The following EYA4 variants were observed in gnomAD, a reference collection of about 807,000 sequenced individuals.
The protein encoded by EYA4 is EYA transcriptional coactivator and phosphatase 4.
A neutral mutation model predicts 87.9 loss-of-function variants in EYA4; 31 were observed. The ratio of observed to expected loss-of-function variants is 0.35; its 90% CI spans 0.27 to 0.48. The LOEUF (loss-of-function observed/expected upper bound fraction) is 0.48. Ranked by LOEUF, EYA4 falls within the 20% of genes least tolerant of loss-of-function variation. EYA4 has a pLI of 0.99. For missense variants in EYA4, 678 were observed against 761.4 expected (o/e 0.89, Z 1.29); for synonymous variants, 263 against 270.6 (o/e 0.97, Z 0.28).
chr6:133,484,955 A>T (rs955296626), intron 13 of EYA4, among the ~76,000 whole-genome samples: 2 of 152,134 alleles, frequency 1.3e-5, no homozygotes, highest in Non-Finnish European at 2.9e-5. Context: ...ATCTTTCTTT[A>T]AAAATAGAAA....
At chr6:133,254,977 C>T (rs1775222951) in intron 1 of EYA4, among the ~76,000 whole-genome samples, 1 of 152,184 alleles carries the variant, frequency 6.6e-6, no homozygotes, top group Non-Finnish European at 1.5e-5. Flanking sequence ...TGTATCCAGG[C>T]TCTGCCACTC....
At chr6:133,299,705 C>CT (rs1426619794) in intron 2 of EYA4, among the ~76,000 whole-genome samples, 2 of 140,244 alleles carry the variant, frequency 1.4e-5, no homozygotes, top group African/African-American at 6.0e-5. Context: ...GAGTGAGACT[C>CT]TGTCTCAAAA....
intron 3 of EYA4, among the ~76,000 whole-genome samples, chr6:133,430,593 C>G (rs1791099349): frequency 6.6e-6 from 1 of 152,046 alleles, no homozygotes; most frequent in Admixed American, 6.5e-5. Context: ...GGAGAAATTT[C>G]TTATACCATA....
intron 7 of EYA4, among the ~76,000 whole-genome samples, chr6:133,461,805 T>C (rs974675652): frequency 1.6e-4 from 20 of 127,572 alleles, no homozygotes; most frequent in Non-Finnish European, 2.8e-4. Flanking sequence ...AAAGGAATGA[T>C]GTTCCTTTTT....
At chr6:133,302,810 A>C (rs1779515758) in intron 2 of EYA4, among the ~76,000 whole-genome samples, 1 of 152,230 alleles carries the variant, frequency 6.6e-6, no homozygotes, top group African/African-American at 2.4e-5. Context: ...TAGAATTTTA[A>C]ATGTTTGCTG....
At chr6:133,510,017 A>C (rs1799005984) in intron 14 of EYA4, among the ~76,000 whole-genome samples, 1 of 152,186 alleles carries the variant, frequency 6.6e-6, no homozygotes, top group South Asian at 2.1e-4. Context: ...ACTAGGCATA[A>C]ATTTAAAGAA....
chr6:133,465,614 T>A (rs1370986361), intron 10 of EYA4, among the ~76,000 whole-genome samples: 1 of 152,188 alleles, frequency 6.6e-6, no homozygotes, highest in Admixed American at 6.6e-5. Context: ...TCTTTTGTCC[T>A]TATTTTTTGA....
chr6:133,322,332 C>G (rs1040404192), intron 2 of EYA4, among the ~76,000 whole-genome samples: 6 of 152,122 alleles, frequency 3.9e-5, no homozygotes, highest in Non-Finnish European at 7.4e-5. Context: ...GGACTATCCT[C>G]TTTAAATTTT....
chr6:133,525,730 C>T (rs1800584400), intron 19 of EYA4, among the ~76,000 whole-genome samples: 1 of 152,070 alleles, frequency 6.6e-6, no homozygotes, highest in African/African-American at 2.4e-5. Flanking sequence ...GTTCATGAGA[C>T]CTGCATGCCA....
intron 3 of EYA4, among the ~76,000 whole-genome samples, chr6:133,401,221 A>T (rs1290564394): frequency 1.3e-5 from 2 of 152,150 alleles, no homozygotes; most frequent in Non-Finnish European, 2.9e-5. Flanking sequence ...TAGATTGTAG[A>T]TTGGTGTTTA....
intron 2 of EYA4, among the ~76,000 whole-genome samples, chr6:133,294,452 C>T (rs1582874664): frequency 6.6e-6 from 1 of 150,542 alleles, no homozygotes; most frequent in East Asian, 2.0e-4. Context: ...AGTTATAACT[C>T]CTGGGTTCAG....
At chr6:133,305,846 G>C (rs1164179735) in intron 2 of EYA4, among the ~76,000 whole-genome samples, 1 of 152,134 alleles carries the variant, frequency 6.6e-6, no homozygotes, top group South Asian at 2.1e-4. Context: ...GATTGCATCT[G>C]ATATTCAAAA....
chr6:133,461,843 C>T (rs1387981916), intron 7 of EYA4, among the ~76,000 whole-genome samples: 2 of 144,032 alleles, frequency 1.4e-5, no homozygotes, highest in Admixed American at 1.4e-4. Context: ...AAGCTTCCTA[C>T]CTTTCTTTTT....
chr6:133,405,171 C>T (rs1439184666), intron 3 of EYA4, among the ~76,000 whole-genome samples: 1 of 152,114 alleles, frequency 6.6e-6, no homozygotes, highest in Admixed American at 6.6e-5. Flanking sequence ...GTTTTACCCC[C>T]TGACTCCCTA....
chr6:133,304,404 A>C (rs1027124937), intron 2 of EYA4, among the ~76,000 whole-genome samples: 6 of 152,296 alleles, frequency 3.9e-5, no homozygotes, highest in Middle Eastern at 3.4e-3. Flanking sequence ...TTGCATTCCC[A>C]GCCAAATCCT....
intron 11 of EYA4, among the ~76,000 whole-genome samples, chr6:133,469,837 T>C (rs1039339452): frequency 6.6e-6 from 1 of 152,000 alleles, no homozygotes; most frequent in Non-Finnish European, 1.5e-5. Flanking sequence ...AAAGAACAGA[T>C]AAAATTAGAT....
At chr6:133,263,767 T>C (rs1178628833) in intron 1 of EYA4, among the ~76,000 whole-genome samples, 1 of 152,182 alleles carries the variant, frequency 6.6e-6, no homozygotes, top group African/African-American at 2.4e-5. Context: ...TTGTGAGTGT[T>C]AGAATTTAGT....
chr6:133,526,002 A>G (rs573778543), intron 19 of EYA4: 9 of 674,176 alleles, frequency 1.3e-5, no homozygotes, highest in East Asian at 1.4e-4. Flanking sequence ...AGAAGATCCC[A>G]TGGGCCCTAA....
intron 13 of EYA4, 131 bp from the exon 14 acceptor site, chr6:133,505,975 A>G (rs1798577594): frequency 2.9e-6 from 2 of 679,748 alleles, no homozygotes; most frequent in Non-Finnish European, 2.7e-6. Context: ...AAACTGAGAA[A>G]TCTTTTGAAT....
Sources: gnomAD v4.1 joint callset for allele counts (sites outside exome capture counted in the v4.1 genomes callset) on GRCh38, gnomAD v4.1.1 for gene constraint, MANE v1.5 for transcripts, NCBI Gene and HGNC (gene_info 2026-07-23, HGNC 2026-07-21) for gene names.